The following ACSL3 variants were observed in gnomAD, a reference collection of about 807,000 sequenced individuals.
ACSL3 encodes acyl-CoA synthetase long chain family member 3, also known as fatty acid CoA ligase Acsl3.
Under a neutral mutation model 84.7 loss-of-function variants are expected in ACSL3, and 34 were observed. The ratio of observed to expected loss-of-function variants is 0.40; its 90% CI spans 0.31 to 0.53. The LOEUF (loss-of-function observed/expected upper bound fraction) is 0.53, where lower values mean the gene tolerates loss of function less well. Among genes scored for constraint, ACSL3 ranks in the 20% least tolerant of loss-of-function variants. ACSL3 has a pLI of 0.48. For missense variants in ACSL3, 680 were observed against 873.1 expected, an observed-to-expected ratio of 0.78 and a Z score of 2.79; for synonymous variants, 315 against 299.4, an observed-to-expected ratio of 1.05 and a Z score of -0.54.
intron 3 of ACSL3, among the ~76,000 whole-genome samples, chr2:222,905,295 G>A (rs1696263566): frequency 6.6e-6 from 1 of 152,030 alleles, no homozygotes; most frequent in Admixed American, 6.6e-5. Context: ...CGAGTAGCAG[G>A]GACTACAAGT....
intron 3 of ACSL3, among the ~76,000 whole-genome samples, chr2:222,904,406 G>A (rs1184434214): frequency 2.0e-5 from 3 of 152,114 alleles, no homozygotes; most frequent in East Asian, 3.9e-4. Context: ...GTATAGGAAC[G>A]GTGGGTCTGC....
rs115170488 is a variant in ACSL3 at position 222,935,370 on chromosome 2, T to G, written c.2005+683T>G. 4.1e-3 allele frequency among the ~76,000 whole-genome samples: 626 copies of G among 152,092 alleles called. 4 individuals carry two copies. Among genetic ancestry groups the G allele is most frequent in the African/African-American group, 0.015 (607 of 41,478 alleles). On this transcript the variant is annotated intron_variant, in intron 16 of 16. Coordinates refer to ENST00000357430, the MANE Select transcript of ACSL3 (RefSeq NM_004457.5). ...TGCCTAGCTAATTAAAAAAAATTTT[T>G]TTGTTGTTTTGTTTTGTTGTTGAGA...
At chr2:222,936,515 A>G (rs982200448) in intron 16 of ACSL3, among the ~76,000 whole-genome samples, 4 of 151,892 alleles carry the variant, frequency 2.6e-5, no homozygotes, top group Non-Finnish European at 4.4e-5. Context: ...TATGTTGGGC[A>G]TCTTATATAT....
At chr2:222,923,877 A>G (rs1427733560) in intron 10 of ACSL3, among the ~76,000 whole-genome samples, 1 of 152,208 alleles carries the variant, frequency 6.6e-6, no homozygotes, top group African/African-American at 2.4e-5. Flanking sequence ...AAAGTTGTGG[A>G]GGAAACATTA....
At chr2:222,891,011 G>A (rs1014472553) in intron 2 of ACSL3, among the ~76,000 whole-genome samples, 4 of 152,182 alleles carry the variant, frequency 2.6e-5, no homozygotes, top group African/African-American at 9.6e-5. Context: ...AAATTAGGCT[G>A]TCTGTTCACT....
chr2:222,943,110 A>AAAC lies in ACSL3; in HGVS notation c.*1458_*1459insCAA, dbSNP rs66647824. 37 of 151,190 alleles carry AAAC rather than the reference A, an allele frequency of 2.4e-4. No homozygotes were observed. The highest frequency in any genetic ancestry group is 7.3e-4 in the African/African-American group (20 of 27,240). 9.4% of individuals were successfully genotyped at this position (151,190 alleles called of 1,614,324 possible). A position where few individuals can be genotyped will look rare whatever the true frequency, so the allele number is the denominator to read the frequency against. On this transcript the variant is annotated 3_prime_UTR_variant, in exon 17 of 17. Transcript: ENST00000357430. ...CAAAAAAAAAAAAAACAAAAACAAAAAAAAAGATGAACCTAGGTCTGTGTA... is the reference window on the plus strand; with the variant it reads ...CAAAAAAAAAAAAAACAAAAACAAAAAACAAAAAGATGAACCTAGGTCTGTGTA...
At chr2:222,891,558 G>C (rs1267088744) in intron 2 of ACSL3, among the ~76,000 whole-genome samples, 2 of 152,174 alleles carry the variant, frequency 1.3e-5, no homozygotes, top group African/African-American at 2.4e-5. Context: ...TAAAGAAATA[G>C]TGGGTCTTGA....
chr2:222,899,134 AG>A (rs1384378539), intron 2 of ACSL3, among the ~76,000 whole-genome samples: 1 of 152,218 alleles, frequency 6.6e-6, no homozygotes, highest in Non-Finnish European at 1.5e-5. Flanking sequence ...TGTAAAAATT[AG>A]GTAAACACTG....
intron 14 of ACSL3, chr2:222,932,937 CA>C (rs1185693067): frequency 0.063 from 251 of 4,010 alleles, 2 homozygotes; most frequent in Middle Eastern, 0.17. Context: ...GACTCCGTCT[CA>C]AAAAAAAAAA....
chr2:222,903,456 G>A (rs1247703922), intron 3 of ACSL3, among the ~76,000 whole-genome samples: 1 of 152,108 alleles, frequency 6.6e-6, no homozygotes, highest in Non-Finnish European at 1.5e-5. Flanking sequence ...TTCAATTATT[G>A]ATTGCTTTCA....
intron 1 of ACSL3, among the ~76,000 whole-genome samples, chr2:222,865,236 T>C (rs760287788): frequency 3.9e-5 from 6 of 152,260 alleles, no homozygotes; most frequent in Non-Finnish European, 8.8e-5. Context: ...TCTGTTATTA[T>C]TGGAATATGT....
intron 1 of ACSL3, among the ~76,000 whole-genome samples, chr2:222,873,898 G>A (rs1006525380): frequency 6.6e-6 from 1 of 152,216 alleles, no homozygotes; most frequent in Non-Finnish European, 1.5e-5. Flanking sequence ...TGGTCAAAAG[G>A]TATGAAAAAT....
At chr2:222,919,239 C>T in intron 7 of ACSL3, 37 bp downstream of exon 7, 1 of 1,603,954 alleles carries the variant, frequency 6.2e-7, no homozygotes, top group Non-Finnish European at 8.5e-7. Context: ...CCTGTGCTTT[C>T]TGGTGACCAC....
chr2:222,935,814 T>G (rs2106142732), intron 16 of ACSL3, among the ~76,000 whole-genome samples: 1 of 152,338 alleles, frequency 6.6e-6, no homozygotes, highest in East Asian at 1.9e-4. Flanking sequence ...TCTTAACATT[T>G]TAAGTGTACA....
intron 4 of ACSL3, among the ~76,000 whole-genome samples, chr2:222,913,709 A>G (rs1220915078): frequency 2.0e-5 from 3 of 152,216 alleles, no homozygotes; most frequent in African/African-American, 7.2e-5. Context: ...TCTACAGTGC[A>G]GTTGAAGCAT....
rs758966635 is a variant in ACSL3, at chr2:222,921,272, C to T, written c.806-8C>T. 1.3e-6 allele frequency: 2 copies of T among 1,586,422 alleles called. No homozygotes were observed. Among genetic ancestry groups the T allele is most frequent in the Admixed American group, 3.4e-5 (2 of 58,746 alleles). On this transcript the variant is annotated splice_polypyrimidine_tract_variant and splice_region_variant and intron_variant, in intron 7 of 16. Coordinates refer to ENST00000357430, the MANE Select transcript of ACSL3 (RefSeq NM_004457.5). ...AGTGTATGTGTGTGTTTTTTCTCTTCAATGCAGAAAACCAACCTCATAGCA... is the reference window on the plus strand; with the variant it reads ...AGTGTATGTGTGTGTTTTTTCTCTTTAATGCAGAAAACCAACCTCATAGCA...
At chr2:222,933,139 C>G (rs1245756121) in intron 14 of ACSL3, 27 bp from the exon 15 acceptor site, 1 of 1,407,722 alleles carries the variant, frequency 7.1e-7, no homozygotes, top group East Asian at 2.3e-5. Flanking sequence ...CATTGTTTTC[C>G]CCTCTCCACC....
intron 1 of ACSL3, among the ~76,000 whole-genome samples, chr2:222,872,599 C>T (rs1695335018): frequency 2.0e-5 from 3 of 152,056 alleles, no homozygotes; most frequent in African/African-American, 4.8e-5. Context: ...ACGGCCCTTC[C>T]CTGGTGCATA....
intron 2 of ACSL3, among the ~76,000 whole-genome samples, chr2:222,890,363 A>C (rs1437071291): frequency 6.6e-6 from 1 of 152,208 alleles, no homozygotes. Context: ...TTAGCTTGCA[A>C]AATTATTTTA....
Sources: allele counts gnomAD v4.1 joint callset (sites outside exome capture counted in the v4.1 genomes callset), GRCh38; gene constraint gnomAD v4.1.1; transcripts MANE v1.5; gene names NCBI Gene and HGNC (gene_info 2026-07-23, HGNC 2026-07-21).